ACSBG1: variants seen among roughly 807,000 people sequenced by gnomAD.
ACSBG1 encodes the protein long-chain-fatty-acid--CoA ligase ACSBG1.
In ACSBG1, 39 loss-of-function variants were observed where a neutral mutation model predicts 80.2. That is an observed-to-expected ratio of 0.49 (90% CI 0.38 to 0.64). The LOEUF (loss-of-function observed/expected upper bound fraction) is 0.64, where lower values mean the gene tolerates loss of function less well. Among genes scored for constraint, ACSBG1 ranks in the 30% least tolerant of loss-of-function variants. ACSBG1 has a pLI of 0.00. For synonymous variants in ACSBG1, 392 were observed against 379.5 expected (o/e 1.03, Z -0.38); for missense variants, 828 against 966.4 (o/e 0.86, Z 1.90).
At chr15:78,208,792 T>C (rs2075241825) in intron 1 of ACSBG1, among the ~76,000 whole-genome samples, 1 of 152,190 alleles carries the variant, frequency 6.6e-6, no homozygotes, top group South Asian at 2.1e-4. Flanking sequence ...TCTCCCCTTC[T>C]GGCCAACCCA....
intron 1 of ACSBG1, among the ~76,000 whole-genome samples, chr15:78,227,384 A>T (rs2075413596): frequency 6.6e-6 from 1 of 152,174 alleles, no homozygotes; most frequent in African/African-American, 2.4e-5. Flanking sequence ...CAATTACAAA[A>T]TGAGCTAAAG....
chr15:78,171,580 G>C (rs573409049), intron 13 of ACSBG1, 51 bp from the exon 14 acceptor site: 3 of 1,470,344 alleles, frequency 2.0e-6, no homozygotes, highest in Non-Finnish European at 2.9e-6. Context: ...TGAGAACTCT[G>C]AGAATGTGTG....
intron 1 of ACSBG1, among the ~76,000 whole-genome samples, chr15:78,225,432 TAA>T (rs1196511052): frequency 2.1e-5 from 3 of 145,612 alleles, no homozygotes; most frequent in African/African-American, 7.6e-5. Context: ...AATAAATAAA[TAA>T]AAATAAATTA....
intron 2 of ACSBG1, among the ~76,000 whole-genome samples, chr15:78,200,820 G>A (rs1385032281): frequency 6.6e-6 from 1 of 152,134 alleles, no homozygotes. Context: ...CTAAATCCAG[G>A]TCTGACCTGC....
rs760386634 is a variant in ACSBG1 at position 78,178,840 on chromosome 15, G to A, written c.1485-9C>T. 1 of 1,597,276 alleles carries A rather than the reference G, an allele frequency of 6.3e-7. No individual in the cohort carries two copies. On this transcript the variant is annotated splice_polypyrimidine_tract_variant and intron_variant, in intron 10 of 13. Coordinates refer to ENST00000258873, the MANE Select transcript of ACSBG1 (RefSeq NM_015162.5). The surrounding 1 kb of genome is among the most constrained non-coding windows in gnomAD (Gnocchi z 4.3). The stretch of plus-strand genomic sequence containing the variant: ...GCACCAACTTGCCTGAGCTGGCGAG[G>A]GAGGGGCCGGGAGACTGGTCAGAGG...
At chr15:78,226,902 T>C (rs1176508692) in intron 1 of ACSBG1, among the ~76,000 whole-genome samples, 5 of 144,190 alleles carry the variant, frequency 3.5e-5, no homozygotes, top group Non-Finnish European at 7.6e-5. Context: ...CTTCATTAAA[T>C]AAAAAAAAAA....
chr15:78,220,375 T>G (rs1040947380), intron 1 of ACSBG1, among the ~76,000 whole-genome samples: 2 of 152,210 alleles, frequency 1.3e-5, no homozygotes, highest in Non-Finnish European at 1.5e-5. Context: ...GTAAAAATAT[T>G]AAAAGAAAAT....
chr15:78,195,577 TGAG>T (rs1191862759), intron 2 of ACSBG1, among the ~76,000 whole-genome samples: 1 of 152,116 alleles, frequency 6.6e-6, no homozygotes, highest in Non-Finnish European at 1.5e-5. Context: ...AGGGGAAAGA[TGAG>T]GACTCAGTTC....
intron 1 of ACSBG1, among the ~76,000 whole-genome samples, chr15:78,212,020 C>A (rs1329173532): frequency 6.6e-6 from 1 of 152,174 alleles, no homozygotes; most frequent in Non-Finnish European, 1.5e-5. Context: ...ATGTGTGTGA[C>A]ACATAAGTTG....
At chr15:78,221,992 T>A (rs968967540) in intron 1 of ACSBG1, among the ~76,000 whole-genome samples, 2 of 152,200 alleles carry the variant, frequency 1.3e-5, no homozygotes, top group Non-Finnish European at 2.9e-5. Flanking sequence ...TATGTCTTCC[T>A]TTTCTACATA....
At chr15:78,222,054 A>G (rs1327939673) in intron 1 of ACSBG1, among the ~76,000 whole-genome samples, 1 of 152,228 alleles carries the variant, frequency 6.6e-6, no homozygotes, top group Non-Finnish European at 1.5e-5. Context: ...CCAAATGTCC[A>G]TCAACTGAGG....
At chr15:78,227,218 CAAAAAAAAA>C (rs56011241) in intron 1 of ACSBG1, among the ~76,000 whole-genome samples, 3 of 53,746 alleles carry the variant, frequency 5.6e-5, no homozygotes, top group South Asian at 9.8e-4. Context: ...GACCCTGTCT[CAAAAAAAAA>C]AAAAAAAAAA....
chr15:78,194,572 C>A lies in ACSBG1; in HGVS notation c.387G>T (p.Lys129Asn), dbSNP rs1567086962. Residue 129 changes from lysine (K) to asparagine (N), a missense_variant, in exon 3 of 14, where the codon AAG becomes AAT. Transcript: ENST00000258873. ...ATTGGGAGTAGGAGATGTGTTCCCACTTGTCCTGGCGCTTGAAGCCCAAAG... is the reference window on the plus strand; with the variant it reads ...ATTGGGAGTAGGAGATGTGTTCCCAATTGTCCTGGCGCTTGAAGCCCAAAG... ...LIALGFKRQD[K>N]WEHISYSQYY... 1.2e-6 allele frequency: 2 copies of A among 1,614,274 alleles called. No homozygotes were observed. Among genetic ancestry groups the A allele is most frequent in the Non-Finnish European group, 1.7e-6 (2 of 1,180,046 alleles).
intron 1 of ACSBG1, chr15:78,209,336 G>T: frequency 2.3e-6 from 1 of 443,156 alleles, no homozygotes; most frequent in Non-Finnish European, 4.6e-6. Flanking sequence ...AACCAAGGTG[G>T]CGCCGTTCTT....
At position 78,194,523 on chromosome 15, in the gene ACSBG1, C is replaced by A. The variant is rs752469420; in HGVS notation, c.436G>T (p.Ala146Ser). ...CCCCTTACCTTCAGGAAGCCCTTGGCGGCTCTGCGGGCGAGCAGGTAGTAT... is the reference window on the plus strand; with the variant it reads ...CCCCTTACCTTCAGGAAGCCCTTGGAGGCTCTGCGGGCGAGCAGGTAGTAT... The part of the protein sequence containing the change: ...SQYYLLARRA[A>S]KGFLKLGLKQ... The change falls in exon 3 of 14, where the codon GCC becomes TCC. Residue 146 changes from alanine to serine, a missense_variant. Physicochemically the swap from Ala to Ser is moderately conservative, Grantham distance 99 (BLOSUM62 1). Transcript: ENST00000258873. 2.3e-5 allele frequency: 37 copies of A among 1,614,034 alleles called. No homozygotes were observed. The highest frequency in any genetic ancestry group is 5.3e-5 in the African/African-American group (4 of 74,944).
At chr15:78,188,447 A>C (rs973467490) in intron 5 of ACSBG1, among the ~76,000 whole-genome samples, 110 of 151,370 alleles carry the variant, frequency 7.3e-4, no homozygotes, top group Admixed American at 2.2e-3. Context: ...ACAGTAACCA[A>C]AACAGCATGG....
At chr15:78,196,370 G>A (rs1422293059) in intron 2 of ACSBG1, among the ~76,000 whole-genome samples, 1 of 152,212 alleles carries the variant, frequency 6.6e-6, no homozygotes, top group African/African-American at 2.4e-5. Context: ...AGAAAGTCAG[G>A]TACACCTGGG....
chr15:78,180,665 A>G, intron 9 of ACSBG1, 90 bp downstream of exon 9: 3 of 1,498,186 alleles, frequency 2.0e-6, no homozygotes, highest in Non-Finnish European at 2.7e-6. Context: ...TGGAACCGGG[A>G]CAGGCATGGC....
intron 1 of ACSBG1, 104 bp from the exon 2 acceptor site, chr15:78,208,206 C>T: frequency 7.5e-6 from 6 of 804,578 alleles, no homozygotes; most frequent in Non-Finnish European, 1.3e-5. Flanking sequence ...CCCAGGGGGA[C>T]ACTGGCACCT....
Sources: allele counts gnomAD v4.1 joint callset (sites outside exome capture counted in the v4.1 genomes callset), GRCh38; gene constraint gnomAD v4.1.1; non-coding constraint Gnocchi (gnomAD v3.1); transcripts MANE v1.5; gene names NCBI Gene and HGNC (gene_info 2026-07-23, HGNC 2026-07-21).